SULT2B1: variants seen among roughly 807,000 people sequenced by gnomAD.
SULT2B1 encodes the protein sulfotransferase family 2B member 1.
Under a neutral mutation model 33.2 loss-of-function variants are expected in SULT2B1, and 16 were observed. The ratio of observed to expected loss-of-function variants is 0.48; its 90% CI spans 0.33 to 0.73. The LOEUF is 0.73. Ranked by LOEUF, SULT2B1 falls within the 30% of genes least tolerant of loss-of-function variation. The pLI is 0.02. For missense variants in SULT2B1, 500 were observed against 506.0 expected (o/e 0.99, Z 0.11); for synonymous variants, 186 against 200.5 (o/e 0.93, Z 0.61).
chr19:48,588,537 A>G (rs1043538611), intron 3 of SULT2B1, among the ~76,000 whole-genome samples: 20 of 150,058 alleles, frequency 1.3e-4, no homozygotes, highest in African/African-American at 4.4e-4. Context: ...CATATATTAT[A>G]CTACATATTA....
intron 2 of SULT2B1, among the ~76,000 whole-genome samples, chr19:48,579,668 G>A (rs1378799273): frequency 1.5e-4 from 22 of 143,080 alleles, no homozygotes; most frequent in Non-Finnish European, 2.8e-4. Flanking sequence ...ATGCAATGGC[G>A]CAGTCTCGGC....
At chr19:48,577,538 G>A (rs951872982) in intron 2 of SULT2B1, among the ~76,000 whole-genome samples, 7 of 151,094 alleles carry the variant, frequency 4.6e-5, no homozygotes. Context: ...GCTAATTTTT[G>A]TATTTTTAGT....
At chr19:48,588,517 A>G (rs1973597265) in intron 3 of SULT2B1, among the ~76,000 whole-genome samples, 1 of 149,088 alleles carries the variant, frequency 6.7e-6, no homozygotes, top group Admixed American at 6.6e-5. Flanking sequence ...CGTCTCAAAA[A>G]AAAAACCCCC....
At chr19:48,584,232 G>A (rs2147619388) in intron 2 of SULT2B1, among the ~76,000 whole-genome samples, 1 of 152,282 alleles carries the variant, frequency 6.6e-6, no homozygotes, top group East Asian at 1.9e-4. Context: ...CTGCCCAACC[G>A]GCTCCCCACA....
rs186906320 is a variant in SULT2B1 at position 48,567,132 on chromosome 19, C to T, written c.72-8809C>T. Among the ~76,000 whole-genome samples the T allele has an allele frequency of 2.4e-4, 37 of 152,266 alleles. 1 individual carries two copies. In the East Asian group the frequency reaches 5.4e-3, roughly 22 times the overall value. On this transcript the variant is annotated intron_variant, in intron 1 of 6. Transcript: ENST00000201586. ...AGGTCCAGACTCATTTACCCCGTCC[C>T]CTGTTGTTTCTGGCCTCTCTTGGAA...
intron 1 of SULT2B1, among the ~76,000 whole-genome samples, chr19:48,563,040 A>C (rs1187889395): frequency 6.6e-6 from 1 of 152,108 alleles, no homozygotes; most frequent in African/African-American, 2.4e-5. Flanking sequence ...TTAAGCGGGA[A>C]CTTTCCCTAT....
chr19:48,595,436 G>T (rs1441577796), intron 5 of SULT2B1, among the ~76,000 whole-genome samples: 1 of 152,072 alleles, frequency 6.6e-6, no homozygotes, highest in Non-Finnish European at 1.5e-5. Context: ...GCTGATGGTG[G>T]GATCGGCACA....
chr19:48,586,186 C>T (rs1469663085), intron 2 of SULT2B1, among the ~76,000 whole-genome samples: 3 of 152,176 alleles, frequency 2.0e-5, no homozygotes, highest in African/African-American at 7.2e-5. Context: ...CACACCACTG[C>T]ACTCCAGCCT....
intron 2 of SULT2B1, among the ~76,000 whole-genome samples, chr19:48,582,829 C>T (rs1385681668): frequency 2.0e-5 from 3 of 150,860 alleles, no homozygotes; most frequent in Non-Finnish European, 4.4e-5. Context: ...GGCAACAGAG[C>T]GAGACCCTGT....
At chr19:48,567,526 C>T (rs547785156) in intron 1 of SULT2B1, among the ~76,000 whole-genome samples, 15 of 152,088 alleles carry the variant, frequency 9.9e-5, no homozygotes, top group Middle Eastern at 6.8e-3. Flanking sequence ...CATGCCTGGG[C>T]GACAGAGCGA....
intron 6 of SULT2B1, among the ~76,000 whole-genome samples, chr19:48,598,026 C>T: frequency 6.6e-6 from 1 of 152,096 alleles, no homozygotes; most frequent in Non-Finnish European, 1.5e-5. Flanking sequence ...GGGTCCTCTC[C>T]CCATCTCCAG....
chr19:48,570,243 G>A (rs369166698), intron 1 of SULT2B1, among the ~76,000 whole-genome samples: 43 of 150,912 alleles, frequency 2.8e-4, no homozygotes, highest in African/African-American at 1.0e-3. Flanking sequence ...GCAATGGCGC[G>A]ATCTGGGCTC....
At chr19:48,564,540 A>T (rs1276854139) in intron 1 of SULT2B1, among the ~76,000 whole-genome samples, 2 of 121,432 alleles carry the variant, frequency 1.6e-5, no homozygotes, top group African/African-American at 3.0e-5. Context: ...CAACAGAGCG[A>T]GACTCCGTCT....
At position 48,564,831 on chromosome 19, in the gene SULT2B1, C is replaced by T. The variant is rs376625923; in HGVS notation, c.72-11110C>T. Among the ~76,000 whole-genome samples the T allele has an allele frequency of 2.4e-4, 37 of 152,078 alleles. No individual in the cohort carries two copies. The South Asian group carries it at 7.7e-3, about 32-fold the overall frequency. ...TTTGAGATGGGGTTTCACTCTGTTG[C>T]CCAGGCTACAGTGCAATGGCTTGAT... On this transcript the variant is annotated intron_variant, in intron 1 of 6. Transcript: ENST00000201586.
At chr19:48,578,961 A>G (rs1185340431) in intron 2 of SULT2B1, among the ~76,000 whole-genome samples, 1 of 151,940 alleles carries the variant, frequency 6.6e-6, no homozygotes, top group Non-Finnish European at 1.5e-5. Context: ...ATCACCTCCC[A>G]ATCCTCATAT....
At chr19:48,578,664 G>T (rs1295192118) in intron 2 of SULT2B1, among the ~76,000 whole-genome samples, 3 of 151,784 alleles carry the variant, frequency 2.0e-5, no homozygotes, top group Non-Finnish European at 1.5e-5. Flanking sequence ...ATCATTTGAG[G>T]TCAGGAGTTC....
intron 2 of SULT2B1, among the ~76,000 whole-genome samples, chr19:48,582,414 A>T (rs2147617843): frequency 6.6e-6 from 1 of 152,284 alleles, no homozygotes; most frequent in African/African-American, 2.4e-5. Flanking sequence ...TTTAAACACA[A>T]TGCCTTGTAC....
chr19:48,591,615 T>C lies in SULT2B1; in HGVS notation c.430T>C (p.Tyr144His). Reference protein sequence around the residue: ...AFFSSKAKVIYMGRNPRDVVV... With the variant: ...AFFSSKAKVIHMGRNPRDVVV... ...CCTCACCATCCGCACACAGGTGATC[T>C]ACATGGGCCGCAACCCCCGGGACGT... Residue 144 changes from tyrosine to histidine, a missense_variant, in exon 4 of 7, where the codon TAC becomes CAC. Tyr to His is a moderately conservative substitution (Grantham distance 83, BLOSUM62 2). Coordinates refer to ENST00000201586, the MANE Select transcript of SULT2B1 (RefSeq NM_177973.2). 6.2e-7 allele frequency: 1 copy of C among 1,612,380 alleles called. No individual in the cohort carries two copies. The highest frequency in any genetic ancestry group is 8.5e-7 in the Non-Finnish European group (1 of 1,178,882).
intron 6 of SULT2B1, 67 bp downstream of exon 6, chr19:48,596,986 T>C: frequency 6.9e-7 from 1 of 1,449,936 alleles, no homozygotes; most frequent in Non-Finnish European, 9.2e-7. Flanking sequence ...GGAGAGTTAC[T>C]TAACCTCTCT....
Sources: gnomAD v4.1 joint callset for allele counts (sites outside exome capture counted in the v4.1 genomes callset) on GRCh38, gnomAD v4.1.1 for gene constraint, MANE v1.5 for transcripts, NCBI Gene and HGNC (gene_info 2026-07-23, HGNC 2026-07-21) for gene names.